The following EPHB1 variants were observed in gnomAD, a reference collection of about 807,000 sequenced individuals.
The protein encoded by EPHB1 is ephrin type-B receptor 1.
A neutral mutation model predicts 94.4 loss-of-function variants in EPHB1; 30 were observed. That is an observed-to-expected ratio of 0.32 (90% CI 0.24 to 0.43). EPHB1 has a LOEUF of 0.43. EPHB1 is among the 20% of genes least tolerant of loss of function. The probability of loss-of-function intolerance (pLI) is 1.00; values close to 1 mark genes in which losing one functional copy is unlikely to be tolerated. For synonymous variants in EPHB1, 522 were observed against 489.1 expected, an observed-to-expected ratio of 1.07 and a Z score of -0.89; for missense variants, 1,055 against 1,308.3, an observed-to-expected ratio of 0.81 and a Z score of 2.99.
intron 3 of EPHB1, among the ~76,000 whole-genome samples, chr3:135,002,625 A>G (rs1935225979): frequency 6.6e-6 from 1 of 151,992 alleles, no homozygotes; most frequent in Non-Finnish European, 1.5e-5. Flanking sequence ...GATTATTGCC[A>G]CAACTTCAGA....
chr3:135,098,610 G>C (rs1310513012), intron 3 of EPHB1, among the ~76,000 whole-genome samples: 1 of 151,588 alleles, frequency 6.6e-6, no homozygotes, highest in Admixed American at 6.6e-5. Context: ...ACACCTGCTT[G>C]CTTTTTTTTT....
intron 1 of EPHB1, among the ~76,000 whole-genome samples, chr3:134,882,771 T>TTTC (rs1491573056): frequency 6.0e-4 from 27 of 45,066 alleles, no homozygotes; most frequent in South Asian, 1.3e-3. Context: ...CCTTCCTTTC[T>TTTC]TTCTTTCTTT....
At chr3:134,825,955 A>G (rs1578117017) in intron 1 of EPHB1, among the ~76,000 whole-genome samples, 2 of 152,196 alleles carry the variant, frequency 1.3e-5, no homozygotes. Context: ...ATAAAAGGCA[A>G]TTGAGACTGG....
intron 3 of EPHB1, among the ~76,000 whole-genome samples, chr3:135,015,880 C>T (rs1935781677): frequency 6.6e-6 from 1 of 152,064 alleles, no homozygotes; most frequent in Non-Finnish European, 1.5e-5. Flanking sequence ...AAAGGCATAC[C>T]AGGAAGAGGA....
At chr3:135,154,002 G>A (rs1941278667) in intron 5 of EPHB1, 150 bp from the exon 6 acceptor site, 1 of 1,071,734 alleles carries the variant, frequency 9.3e-7, no homozygotes, top group Non-Finnish European at 1.4e-6. Context: ...AAAACCCACA[G>A]GAAGTTCTGC....
chr3:134,950,115 GATA>G (rs2061904958), intron 2 of EPHB1, among the ~76,000 whole-genome samples: 1 of 152,190 alleles, frequency 6.6e-6, no homozygotes, highest in African/African-American at 2.4e-5. Flanking sequence ...GTAAATTGGG[GATA>G]ATAATACCTG....
At chr3:135,040,833 G>A (rs1936809920) in intron 3 of EPHB1, among the ~76,000 whole-genome samples, 1 of 152,198 alleles carries the variant, frequency 6.6e-6, no homozygotes, top group Non-Finnish European at 1.5e-5. Context: ...AGCGTGACAA[G>A]GAGGAGGAGG....
At chr3:135,011,548 C>A (rs1340200970) in intron 3 of EPHB1, among the ~76,000 whole-genome samples, 1 of 152,086 alleles carries the variant, frequency 6.6e-6, no homozygotes, top group South Asian at 2.1e-4. Flanking sequence ...TGCTGGGGGT[C>A]GTAGCCACTG....
At chr3:135,045,740 A>G (rs766773671) in intron 3 of EPHB1, among the ~76,000 whole-genome samples, 1 of 152,222 alleles carries the variant, frequency 6.6e-6, no homozygotes, top group Non-Finnish European at 1.5e-5. Context: ...GGGTTTTCCC[A>G]TATTCATTAT....
chr3:135,147,086 G>C (rs186498789), intron 5 of EPHB1, among the ~76,000 whole-genome samples: 35 of 152,348 alleles, frequency 2.3e-4, no homozygotes, highest in African/African-American at 8.2e-4. Flanking sequence ...GGCAGAGCCA[G>C]AATAGGCACA....
intron 1 of EPHB1, among the ~76,000 whole-genome samples, chr3:134,802,213 G>A (rs895031767): frequency 6.6e-6 from 1 of 151,874 alleles, no homozygotes; most frequent in African/African-American, 2.4e-5. Context: ...GAGGCGGGCG[G>A]ATCACGAGGT....
chr3:134,818,308 C>T (rs889217480), intron 1 of EPHB1, among the ~76,000 whole-genome samples: 1 of 152,196 alleles, frequency 6.6e-6, no homozygotes, highest in Non-Finnish European at 1.5e-5. Context: ...CAGGCAGCCT[C>T]CTTGGCTTAG....
intron 1 of EPHB1, among the ~76,000 whole-genome samples, chr3:134,866,580 A>G (rs933555101): frequency 6.6e-6 from 1 of 152,190 alleles, no homozygotes; most frequent in African/African-American, 2.4e-5. Context: ...ACACCTGGGA[A>G]TAGGGCCTGG....
At chr3:135,027,961 A>G (rs1345379694) in intron 3 of EPHB1, among the ~76,000 whole-genome samples, 2 of 142,596 alleles carry the variant, frequency 1.4e-5, no homozygotes, top group African/African-American at 2.6e-5. Flanking sequence ...GGGAGAGTGT[A>G]TGTGTCAAGG....
chr3:135,033,737 T>C (rs1436545645), intron 3 of EPHB1, among the ~76,000 whole-genome samples: 1 of 152,184 alleles, frequency 6.6e-6, no homozygotes, highest in African/African-American at 2.4e-5. Flanking sequence ...TCTGAATACA[T>C]TGTTTGCAAA....
rs565436435 is a variant in EPHB1, at chr3:135,259,000, C to G, written c.2847-12C>G. ...CACTAAAGTGACTTCTTTTCTGGCT[C>G]TTTCCTCCTAGAGACCTCCTGAGAA... On this transcript the variant is annotated splice_polypyrimidine_tract_variant and intron_variant, in intron 15 of 15. Transcript: ENST00000398015. The G allele has an allele frequency of 9.2e-5, 146 of 1,592,554 alleles. No individual in the cohort carries two copies. In the African/African-American group the frequency reaches 1.7e-3, roughly 18 times the overall value.
intron 3 of EPHB1, among the ~76,000 whole-genome samples, chr3:135,095,649 G>A (rs1220254898): frequency 6.6e-6 from 1 of 152,132 alleles, no homozygotes; most frequent in Non-Finnish European, 1.5e-5. Context: ...CAAGCGCTCA[G>A]CCTCCTCACT....
intron 3 of EPHB1, among the ~76,000 whole-genome samples, chr3:135,061,368 A>ACACCCCCCCCCC (rs1937501412): frequency 9.0e-6 from 1 of 111,372 alleles, no homozygotes; most frequent in African/African-American, 3.2e-5. Flanking sequence ...AGGAATGACC[A>ACACCCCCCCCCC]CCCCCCCCGA....
chr3:135,228,379 C>T (rs187012746), intron 12 of EPHB1, among the ~76,000 whole-genome samples: 88 of 152,162 alleles, frequency 5.8e-4, no homozygotes, highest in Admixed American at 2.6e-3. Context: ...TCTGGAGGCA[C>T]GTGATGTTTG....
Sources: gnomAD v4.1 joint callset for allele counts (sites outside exome capture counted in the v4.1 genomes callset) on GRCh38, gnomAD v4.1.1 for gene constraint, MANE v1.5 for transcripts, NCBI Gene and HGNC (gene_info 2026-07-23, HGNC 2026-07-21) for gene names.